The following SLC8A1 variants were observed in gnomAD, a reference collection of about 807,000 sequenced individuals.
The protein encoded by SLC8A1 is solute carrier family 8 member A1.
In SLC8A1, 18 loss-of-function variants were observed where a neutral mutation model predicts 68.3. That is an observed-to-expected ratio of 0.26 (90% CI 0.18 to 0.39). The LOEUF (loss-of-function observed/expected upper bound fraction) is 0.39, where lower values mean the gene tolerates loss of function less well. Ranked by LOEUF, SLC8A1 falls within the 10% of genes least tolerant of loss-of-function variation. The pLI is 1.00. For missense variants in SLC8A1, 985 were observed against 1,156.7 expected, an observed-to-expected ratio of 0.85 and a Z score of 2.15; for synonymous variants, 475 against 415.5, an observed-to-expected ratio of 1.14 and a Z score of -1.74.
At chr2:40,346,047 T>TAAAAAAAAA (rs774555210) in intron 2 of SLC8A1, among the ~76,000 whole-genome samples, 107 of 41,652 alleles carry the variant, frequency 2.6e-3, no homozygotes, top group Non-Finnish European at 3.4e-3. Context: ...ACATTAACAG[T>TAAAAAAAAA]AAAAAAAAAA....
intron 7 of SLC8A1, among the ~76,000 whole-genome samples, chr2:40,129,828 T>G (rs757248917): frequency 6.6e-6 from 1 of 152,198 alleles, no homozygotes; most frequent in Admixed American, 6.5e-5. Flanking sequence ...AAGGCCTAGA[T>G]AGAATAGAAT....
At chr2:40,133,456 A>G (rs899263543) in intron 7 of SLC8A1, among the ~76,000 whole-genome samples, 5 of 151,806 alleles carry the variant, frequency 3.3e-5, no homozygotes, top group African/African-American at 1.2e-4. Context: ...AAATCCTTAG[A>G]GGGAAATAAT....
intron 2 of SLC8A1, among the ~76,000 whole-genome samples, chr2:40,416,290 A>G (rs2149721963): frequency 6.6e-6 from 1 of 152,252 alleles, no homozygotes; most frequent in East Asian, 1.9e-4. Context: ...ATTTGACAAA[A>G]TTCATTTTAG....
At chr2:40,239,152 G>A (rs978544722) in intron 2 of SLC8A1, among the ~76,000 whole-genome samples, 3 of 152,052 alleles carry the variant, frequency 2.0e-5, no homozygotes, top group African/African-American at 7.2e-5. Context: ...ACCTAAAAAG[G>A]AAACAACAGT....
chr2:40,483,298 A>T (rs1052442421), intron 1 of SLC8A1, among the ~76,000 whole-genome samples: 2 of 151,458 alleles, frequency 1.3e-5, no homozygotes, highest in Non-Finnish European at 2.9e-5. Flanking sequence ...TATATGATAA[A>T]TAATTGATGA....
At chr2:40,473,033 C>T (rs1417694698) in intron 1 of SLC8A1, among the ~76,000 whole-genome samples, 6 of 147,352 alleles carry the variant, frequency 4.1e-5, no homozygotes, top group Non-Finnish European at 7.4e-5. Flanking sequence ...CTGAGAGCAG[C>T]GCTGCTCACG....
intron 2 of SLC8A1, among the ~76,000 whole-genome samples, chr2:40,411,066 T>C (rs1445828525): frequency 6.6e-6 from 1 of 152,050 alleles, no homozygotes; most frequent in Non-Finnish European, 1.5e-5. Flanking sequence ...AGCCTAAAGT[T>C]GTATGGCACT....
intron 2 of SLC8A1, among the ~76,000 whole-genome samples, chr2:40,406,594 G>C (rs1330210071): frequency 6.6e-6 from 1 of 152,150 alleles, no homozygotes; most frequent in Non-Finnish European, 1.5e-5. Context: ...TAGTAAGCTA[G>C]AAGAGGGGAA....
In SLC8A1 at chr2:40,217,938, T is replaced by TAA. The variant is rs113850132; in HGVS notation, c.1809-40085_1809-40084dup. On this transcript the variant is annotated intron_variant, in intron 2 of 7. Coordinates refer to ENST00000406785, the Ensembl canonical transcript of SLC8A1. ...CAGCAGACATTTCTGTATTCTGAGATAAAATAGCTGTGGTAAACAGATTGT... is the reference window on the plus strand; with the variant it reads ...CAGCAGACATTTCTGTATTCTGAGATAAAAAATAGCTGTGGTAAACAGATTGT... Among the ~76,000 whole-genome samples the TAA allele has an allele frequency of 4.7e-4, 71 of 151,502 alleles. No homozygotes were observed. In the Middle Eastern group the frequency reaches 0.017, roughly 37 times the overall value.
chr2:40,411,287 A>G (rs1341189293), intron 2 of SLC8A1, among the ~76,000 whole-genome samples: 7 of 152,082 alleles, frequency 4.6e-5, no homozygotes, highest in Non-Finnish European at 1.0e-4. Context: ...CACAGCATAC[A>G]CTCAGCAAAT....
At chr2:40,345,681 C>A (rs1669026556) in intron 2 of SLC8A1, among the ~76,000 whole-genome samples, 1 of 152,112 alleles carries the variant, frequency 6.6e-6, no homozygotes, top group South Asian at 2.1e-4. Context: ...AGAATAAGTT[C>A]ATGCCATTTG....
chr2:40,197,049 G>A (rs532902572), intron 2 of SLC8A1, among the ~76,000 whole-genome samples: 2 of 152,156 alleles, frequency 1.3e-5, no homozygotes, highest in African/African-American at 4.8e-5. Context: ...TGTCATGGAA[G>A]TGCTCCTGTT....
At chr2:40,306,460 G>T (rs111549450) in intron 2 of SLC8A1, among the ~76,000 whole-genome samples, 11 of 149,194 alleles carry the variant, frequency 7.4e-5, no homozygotes, top group Non-Finnish European at 1.3e-4. Context: ...TGTGGGGGGG[G>T]GCATAGCGTG....
intron 2 of SLC8A1, among the ~76,000 whole-genome samples, chr2:40,416,350 GACTC>G (rs1199927818): frequency 6.6e-6 from 1 of 152,034 alleles, no homozygotes; most frequent in African/African-American, 2.4e-5. Flanking sequence ...AACTTATCAA[GACTC>G]ACTAAGAAAC....
intron 1 of SLC8A1, among the ~76,000 whole-genome samples, chr2:40,443,665 G>GGAA (rs1311312077): frequency 2.6e-5 from 4 of 152,162 alleles, no homozygotes; most frequent in Non-Finnish European, 5.9e-5. Flanking sequence ...TGTGGTAGAT[G>GGAA]GAAGGTTCAC....
chr2:40,489,375 G>T (rs1200413007), intron 1 of SLC8A1, among the ~76,000 whole-genome samples: 1 of 152,022 alleles, frequency 6.6e-6, no homozygotes, highest in Non-Finnish European at 1.5e-5. Context: ...ATGCCATATA[G>T]ACGAGGTACA....
chr2:40,337,442 C>A, intron 2 of SLC8A1: 2 of 243,628 alleles, frequency 8.2e-6, no homozygotes, highest in Non-Finnish European at 1.8e-5. Flanking sequence ...TACAGGGAAC[C>A]CATGAAGGAA....
chr2:40,123,923 C>T (rs2037487435), intron 7 of SLC8A1, among the ~76,000 whole-genome samples: 1 of 152,226 alleles, frequency 6.6e-6, no homozygotes, highest in Non-Finnish European at 1.5e-5. Context: ...TCGGTGTCCT[C>T]TGACTCGCTT....
At chr2:40,157,388 T>C (rs929399037) in intron 6 of SLC8A1, among the ~76,000 whole-genome samples, 6 of 152,132 alleles carry the variant, frequency 3.9e-5, no homozygotes, top group Non-Finnish European at 7.3e-5. Flanking sequence ...CAGGGAGGTT[T>C]TGGAAGGCAG....
Sources: gnomAD v4.1 joint callset for allele counts (sites outside exome capture counted in the v4.1 genomes callset) on GRCh38, gnomAD v4.1.1 for gene constraint, MANE v1.5 for transcripts, NCBI Gene and HGNC (gene_info 2026-07-23, HGNC 2026-07-21) for gene names.